Variants in RPS2 observed in about 807,000 individuals in gnomAD.
The protein encoded by RPS2 is ribosomal protein S2.
A neutral mutation model predicts 25.3 loss-of-function variants in RPS2; 8 were observed. That is an observed-to-expected ratio of 0.32 (90% CI 0.19 to 0.57). The LOEUF (loss-of-function observed/expected upper bound fraction) is 0.57, where lower values mean the gene tolerates loss of function less well. Among genes scored for constraint, RPS2 ranks in the 20% least tolerant of loss-of-function variants. The pLI is 0.90. For synonymous variants in RPS2, 181 were observed against 161.3 expected, an observed-to-expected ratio of 1.12 and a Z score of -0.92; for missense variants, 229 against 408.1, an observed-to-expected ratio of 0.56 and a Z score of 3.78.
At chr16:1,962,931 G>A (rs769267886) in intron 4 of RPS2, 22 bp from the exon 5 acceptor site, 19 of 1,597,408 alleles carry the variant, frequency 1.2e-5, no homozygotes, top group Non-Finnish European at 1.1e-5. Flanking sequence ...TGTGTGTGAG[G>A]CAGCTGGTGG....
Position 1,964,643 on chromosome 16 carries a change from A to T in RPS2, c.-3-15T>A. Reference sequence around the variant, plus strand: ...TCCGCCATTTGCTGGGAAAAGCGACAAGAAGGAACTAGTCAGTGTGGCCTA... The same window carrying T: ...TCCGCCATTTGCTGGGAAAAGCGACTAGAAGGAACTAGTCAGTGTGGCCTA... On this transcript the variant is annotated splice_polypyrimidine_tract_variant and intron_variant, in intron 1 of 6. Coordinates refer to ENST00000343262, the MANE Select transcript of RPS2 (RefSeq NM_002952.4). 1.5e-6 allele frequency: 2 copies of T among 1,325,916 alleles called. No homozygotes were observed. The highest frequency in any genetic ancestry group is 3.0e-5 in the African/African-American group (2 of 66,126). The allele number at this position is 1,325,916 out of a possible 1,614,324, so 82.1% of individuals were successfully genotyped here.
chr16:1,963,604 A>T (rs2083278065), intron 3 of RPS2: 2 of 342,564 alleles, frequency 5.8e-6, no homozygotes, highest in African/African-American at 4.6e-5. Context: ...AAACTGTGTA[A>T]CCGCCCACCC....
intron 3 of RPS2, among the ~76,000 whole-genome samples, chr16:1,963,487 G>T (rs113892113): frequency 0.1 from 15,330 of 152,068 alleles, 1,053 homozygotes; most frequent in South Asian, 0.26. Context: ...ATGGTGGAGT[G>T]CGCCTGTAAC....
intron 3 of RPS2, among the ~76,000 whole-genome samples, 158 bp from the exon 4 acceptor site, chr16:1,963,414 G>A (rs1024475489): frequency 2.0e-5 from 3 of 149,448 alleles, no homozygotes; most frequent in African/African-American, 2.4e-5. Context: ...TCAGGAGTCC[G>A]ATACCAGCCT....
chr16:1,964,235 C>T lies in RPS2; in HGVS notation c.267+41G>A, dbSNP rs986425399. 4.1e-6 allele frequency: 6 copies of T among 1,457,650 alleles called. No homozygotes were observed. The African/African-American group carries it at 8.4e-5, about 20-fold the overall frequency. The allele number at this position is 1,457,650 out of a possible 1,614,324, so 90.3% of individuals were successfully genotyped here. ...CCTCCAACCCCAGCCCAAATGACTC[C>T]GGGGTCGCACTTGCTCAACGCCCCA... On this transcript the variant is annotated intron_variant, in intron 3 of 6. Transcript: ENST00000343262.
intron 6 of RPS2, 29 bp from the exon 7 acceptor site, chr16:1,962,299 CAG>C: frequency 6.2e-7 from 1 of 1,604,876 alleles, no homozygotes; most frequent in African/African-American, 1.3e-5. Context: ...CCAGGAGGGT[CAG>C]TGGTGTGCTT....
intron 3 of RPS2, chr16:1,963,709 T>G (rs2083279890): frequency 2.3e-6 from 1 of 430,168 alleles, no homozygotes; most frequent in African/African-American, 2.0e-5. Flanking sequence ...GTATGTAAGG[T>G]TACCCTATTT....
chr16:1,964,638 G>C lies in RPS2; in HGVS notation c.-3-10C>G. 1 of 1,383,570 alleles carries C rather than the reference G, an allele frequency of 7.2e-7. No individual in the cohort carries two copies. The highest frequency in any genetic ancestry group is 1.4e-5 in the South Asian group (1 of 73,104). 85.7% of individuals were successfully genotyped at this position (1,383,570 alleles called of 1,614,324 possible). On this transcript the variant is annotated splice_polypyrimidine_tract_variant and intron_variant, in intron 1 of 6. Coordinates refer to ENST00000343262, the MANE Select transcript of RPS2 (RefSeq NM_002952.4). Reference sequence around the variant, plus strand: ...CGTCATCCGCCATTTGCTGGGAAAAGCGACAAGAAGGAACTAGTCAGTGTG... The same window carrying C: ...CGTCATCCGCCATTTGCTGGGAAAACCGACAAGAAGGAACTAGTCAGTGTG...
chr16:1,962,366 T>G (rs755813582), intron 6 of RPS2, 96 bp from the exon 7 acceptor site: 11 of 1,376,534 alleles, frequency 8.0e-6, no homozygotes, highest in African/African-American at 1.4e-5. Flanking sequence ...GAGAGGCCAT[T>G]CTGGGCGGGT....
Position 1,962,647 on chromosome 16 carries a change from G to A in RPS2, c.559C>T (p.Arg187Cys), listed in dbSNP as rs748885661. 1.7e-5 allele frequency: 27 copies of A among 1,600,956 alleles called. No individual in the cohort carries two copies. The highest frequency in any genetic ancestry group is 7.8e-5 in the South Asian group (7 of 89,914). ...PHTVPCKVTG[R>C]CGSVLVRLIP... ...AGGCGTACCAGCACAGAGCCGCAGC[G>A]GCCTGTCACCTGGTGAGGGAAGGAG... Residue 187 changes from arginine to cysteine, a missense_variant, in exon 6 of 7, where the codon CGC (arginine) becomes TGC (cysteine). Physicochemically the swap from Arg to Cys is radical, Grantham distance 180 (BLOSUM62 -3). Around this residue, in one of 7 missense-constraint regions of RPS2, gnomAD observed 79 missense variants for 159.0 expected, o/e 0.50. Transcript: ENST00000343262.
rs1485483604 is a variant in RPS2, at chr16:1,962,076, T to A, written c.*22A>T. ...AAAACAGTAACACGCTTAATTCACT[T>A]TATTTTTCTTGTATAAAAACCCTAT... On this transcript the variant is annotated 3_prime_UTR_variant, in exon 7 of 7. Transcript: ENST00000343262. 2.0e-6 allele frequency: 3 copies of A among 1,530,600 alleles called. No homozygotes were observed. The highest frequency in any genetic ancestry group is 3.5e-4 in the Middle Eastern group (2 of 5,778). The allele number at this position is 1,530,600 out of a possible 1,614,324, so 94.8% of individuals were successfully genotyped here. A position where few individuals can be genotyped will look rare whatever the true frequency, so the allele number is the denominator to read the frequency against.
chr16:1,964,085 T>C, intron 3 of RPS2, 191 bp downstream of exon 3: 5 of 594,906 alleles, frequency 8.4e-6, no homozygotes, highest in Non-Finnish European at 1.5e-5. Context: ...TTTGTGGCTC[T>C]GGCTTCGCTC....
chr16:1,964,049 A>C, intron 3 of RPS2: 5 of 565,558 alleles, frequency 8.8e-6, no homozygotes, highest in Non-Finnish European at 1.3e-5. Context: ...TTCGCTGCGA[A>C]TGTGGGAAGA....
intron 3 of RPS2, 24 bp from the exon 4 acceptor site, chr16:1,963,280 G>A (rs772190402): frequency 1.4e-5 from 20 of 1,420,030 alleles, no homozygotes; most frequent in Non-Finnish European, 1.9e-5. Context: ...GAAAATTGTA[G>A]GGAGAGCATT....
At chr16:1,963,002 C>T (rs1244362516) in intron 4 of RPS2, 93 bp from the exon 5 acceptor site, 2 of 1,460,012 alleles carry the variant, frequency 1.4e-6, no homozygotes, top group Non-Finnish European at 1.9e-6. Context: ...GAAAGAGAGG[C>T]CACAGTAAGG....
chr16:1,963,633 G>A (rs1008134807), intron 3 of RPS2: 4 of 300,714 alleles, frequency 1.3e-5, no homozygotes, highest in Admixed American at 4.9e-5. Context: ...AAAAACCGAA[G>A]AAGTCATGAA....
At chr16:1,963,012 G>A (rs1392217805) in intron 4 of RPS2, 103 bp from the exon 5 acceptor site, 5 of 1,417,724 alleles carry the variant, frequency 3.5e-6, no homozygotes, top group Middle Eastern at 1.7e-4. Context: ...CCACAGTAAG[G>A]CCCATCCGAG....
chr16:1,963,725 T>A (rs1266233469), intron 3 of RPS2: 1 of 444,042 alleles, frequency 2.3e-6, no homozygotes, highest in Non-Finnish European at 4.5e-6. Context: ...TATTTCTGCA[T>A]CTCAATCGTT....
rs559695881 is a variant in RPS2, at chr16:1,964,800, G to C, written c.-4+7C>G. 5 of 543,584 alleles carry C rather than the reference G, an allele frequency of 9.2e-6. No individual in the cohort carries two copies. The highest frequency in any genetic ancestry group is 2.5e-5 in the South Asian group (1 of 40,094). 33.7% of individuals were successfully genotyped at this position (543,584 alleles called of 1,614,324 possible). A position where few individuals can be genotyped will look rare whatever the true frequency, so the allele number is the denominator to read the frequency against. ...AGAGGCCCGCTGCAGCGACCAACAG[G>C]ACTCACGTGTTTTGTCGGAAAAGAA... On this transcript the variant is annotated splice_region_variant and intron_variant, in intron 1 of 6. Coordinates refer to ENST00000343262, the MANE Select transcript of RPS2 (RefSeq NM_002952.4).
Sources: allele counts gnomAD v4.1 joint callset (sites outside exome capture counted in the v4.1 genomes callset), GRCh38; gene constraint gnomAD v4.1.1; regional missense constraint gnomAD v4.1.1; transcripts MANE v1.5; gene names NCBI Gene and HGNC (gene_info 2026-07-23, HGNC 2026-07-21).